DHX57: variants seen among roughly 807,000 people sequenced by gnomAD.
DHX57 encodes the protein DExH-box helicase 57, also known as putative ATP-dependent RNA helicase DHX57.
Under a neutral mutation model 156.2 loss-of-function variants are expected in DHX57, and 105 were observed. The ratio of observed to expected loss-of-function variants is 0.67; its 90% CI spans 0.57 to 0.79. The LOEUF (loss-of-function observed/expected upper bound fraction) is 0.79, where lower values mean the gene tolerates loss of function less well. Ranked by LOEUF, DHX57 falls within the 30% of genes least tolerant of loss-of-function variation. DHX57 has a pLI of 0.00. For synonymous variants in DHX57, 704 were observed against 595.6 expected, an observed-to-expected ratio of 1.18 and a Z score of -2.65; for missense variants, 1,847 against 1,661.9, an observed-to-expected ratio of 1.11 and a Z score of -1.94.
In DHX57 at chr2:38,802,916, C is replaced by G; in HGVS notation, c.3817-1G>C. 1.9e-6 allele frequency: 3 copies of G among 1,613,974 alleles called. No individual in the cohort carries two copies. The highest frequency in any genetic ancestry group is 1.3e-5 in the African/African-American group (1 of 74,996). The stretch of plus-strand genomic sequence containing the variant: ...GGTAGGGGCTGTCAAAGTGTCTCAC[C>G]TGTAACAAAAAACCTCAGATGATGA... On this transcript the variant is annotated splice_acceptor_variant, in intron 22 of 23. Transcript: ENST00000457308. LOFTEE classifies it high-confidence loss of function.
Position 38,847,101 on chromosome 2 carries a change from A to G in DHX57, c.2165-28T>C, listed in dbSNP as rs924426743. On this transcript the variant is annotated intron_variant, in intron 10 of 23. Transcript: ENST00000457308. The stretch of plus-strand genomic sequence containing the variant: ...AGAAAAACAAGGAGACAAAATAGAA[A>G]GCCTGAGAACACCCATTCAACCATC... 2.5e-6 allele frequency: 4 copies of G among 1,592,500 alleles called. No homozygotes were observed. In the African/African-American group the frequency reaches 4.0e-5, roughly 16 times the overall value.
intron 8 of DHX57, 189 bp from the exon 9 acceptor site, chr2:38,854,367 C>T (rs751160277): frequency 2.0e-5 from 9 of 442,616 alleles, no homozygotes; most frequent in Non-Finnish European, 3.2e-5. Context: ...CTTCATATCA[C>T]AATGTTAAGA....
At chr2:38,800,010 AAACC>A in intron 23 of DHX57, among the ~76,000 whole-genome samples, 1 of 152,050 alleles carries the variant, frequency 6.6e-6, no homozygotes, top group Non-Finnish European at 1.5e-5. Context: ...CAACATGGAG[AAACC>A]CCGTCTCTAC....
chr2:38,874,055 G>C (rs1373175896), intron 1 of DHX57, among the ~76,000 whole-genome samples: 1 of 151,976 alleles, frequency 6.6e-6, no homozygotes, highest in Non-Finnish European at 1.5e-5. Flanking sequence ...CTCTGTATGT[G>C]GGTTTTGCAT....
chr2:38,819,224 G>C, intron 17 of DHX57, 80 bp from the exon 18 acceptor site: 1 of 1,346,380 alleles, frequency 7.4e-7, no homozygotes, highest in Non-Finnish European at 1.1e-6. Context: ...GCCCAGGCTG[G>C]AGTGCAGTGG....
intron 17 of DHX57, among the ~76,000 whole-genome samples, chr2:38,822,327 T>A (rs527323434): frequency 6.6e-6 from 1 of 152,234 alleles, no homozygotes; most frequent in East Asian, 1.9e-4. Flanking sequence ...GTGATCCACC[T>A]GCCTCGGCCT....
Position 38,861,255 on chromosome 2 carries a change from A to G in DHX57, c.1155T>C (p.Cys385=). The G allele has an allele frequency of 6.2e-7, 1 of 1,614,166 alleles. No homozygotes were observed. The highest frequency in any genetic ancestry group is 8.5e-7 in the Non-Finnish European group (1 of 1,180,038). The change falls in exon 5 of 24, where the codon TGT becomes TGC. Residue 385 remains cysteine, a synonymous_variant. Coordinates refer to ENST00000457308, the MANE Select transcript of DHX57 (RefSeq NM_198963.3). ...AAAGAAACTCAGAAATATGTAAACG[A>G]CAAGCCAGAGGTAGGTTCTCATTGG... ...YSTNENLPLA[C]RLHISEFLYD... is the part of the protein sequence containing the mutation.
chr2:38,811,013 T>C (rs951870111), intron 21 of DHX57: 6 of 712,200 alleles, frequency 8.4e-6, no homozygotes, highest in Admixed American at 5.3e-5. Context: ...CTTGAAAATG[T>C]TGGGGGTGTT....
At chr2:38,800,279 G>A (rs989396943) in intron 23 of DHX57, among the ~76,000 whole-genome samples, 5 of 151,714 alleles carry the variant, frequency 3.3e-5, no homozygotes, top group African/African-American at 9.7e-5. Context: ...GCTTGAACCC[G>A]GGAGGCGGAG....
intron 19 of DHX57, 75 bp downstream of exon 19, chr2:38,818,802 T>C: frequency 1.3e-6 from 2 of 1,501,048 alleles, no homozygotes; most frequent in South Asian, 1.1e-5. Flanking sequence ...ACAGGACACA[T>C]GAGACAAAGT....
At chr2:38,835,437 G>T (rs893160111) in intron 13 of DHX57, among the ~76,000 whole-genome samples, 1 of 152,136 alleles carries the variant, frequency 6.6e-6, no homozygotes, top group Non-Finnish European at 1.5e-5. Flanking sequence ...CCCTTTTCTG[G>T]ACTGGTTCCA....
At chr2:38,810,810 G>C in intron 21 of DHX57, 1 of 747,012 alleles carries the variant, frequency 1.3e-6, no homozygotes, top group South Asian at 1.3e-5. Flanking sequence ...GGTGGTAAAG[G>C]ATGGTGCCTG....
intron 7 of DHX57, among the ~76,000 whole-genome samples, chr2:38,855,954 G>A (rs527896642): frequency 9.2e-5 from 14 of 152,248 alleles, no homozygotes; most frequent in African/African-American, 3.1e-4. Flanking sequence ...ACAAAAATTA[G>A]TTGGGTATGG....
At chr2:38,810,497 G>A in intron 21 of DHX57, 1 of 554,574 alleles carries the variant, frequency 1.8e-6, no homozygotes, top group Non-Finnish European at 3.5e-6. Context: ...AATTGATGTT[G>A]ATGAGACTGG....
chr2:38,863,527 GA>G lies in DHX57; in HGVS notation c.225-9del. 1 of 1,603,778 alleles carries G rather than the reference GA, an allele frequency of 6.2e-7. No homozygotes were observed. The highest frequency in any genetic ancestry group is 8.5e-7 in the Non-Finnish European group (1 of 1,177,000). ...ATGTTACTGTTGCTAGGTCTATAGA[GA>G]ACAAAAGAGCAAAATTACACACATA... On this transcript the variant is annotated splice_polypyrimidine_tract_variant and intron_variant, in intron 2 of 23. Transcript: ENST00000457308.
chr2:38,822,877 G>T (rs3112146), intron 17 of DHX57, 116 bp downstream of exon 17: 1,130,394 of 1,149,860 alleles, frequency 0.98, 557,951 homozygotes, highest in East Asian at 1. Context: ...AAAATTCACA[G>T]CTAACATACA....
intron 2 of DHX57, among the ~76,000 whole-genome samples, chr2:38,866,562 T>C (rs1294386280): frequency 3.9e-5 from 6 of 152,184 alleles, no homozygotes; most frequent in Non-Finnish European, 1.5e-5. Flanking sequence ...TGTTATACAT[T>C]TGTTTATGGT....
chr2:38,811,662 G>A lies in DHX57; in HGVS notation c.3681+2159C>T, dbSNP rs1351358607. 3.5e-5 allele frequency: 41 copies of A among 1,181,172 alleles called. No individual in the cohort carries two copies. The Admixed American group carries it at 7.3e-4, about 21-fold the overall frequency. 73.2% of individuals were successfully genotyped at this position (1,181,172 alleles called of 1,614,324 possible). On this transcript the variant is annotated intron_variant, in intron 21 of 23. Transcript: ENST00000457308. ...GGAGCCTTTGCTGAACATAGCATCT[G>A]GGATTGGAGGTGCAATTCCTGGTGC...
rs765076103 is a variant in DHX57, at chr2:38,815,705, G to A, written c.3472-50C>T. On this transcript the variant is annotated intron_variant, in intron 19 of 23. Coordinates refer to ENST00000457308, the MANE Select transcript of DHX57 (RefSeq NM_198963.3). ...AGCAAGGGCATCAGCATAACAAAGT[G>A]TTAAGTCTTACAAAAATGAGTGATT... The A allele has an allele frequency of 2.5e-6, 4 of 1,610,002 alleles. No homozygotes were observed. In the Admixed American group the frequency reaches 6.7e-5, roughly 27 times the overall value.
Sources: allele counts gnomAD v4.1 joint callset (sites outside exome capture counted in the v4.1 genomes callset), GRCh38; gene constraint gnomAD v4.1.1; transcripts MANE v1.5; gene names NCBI Gene and HGNC (gene_info 2026-07-23, HGNC 2026-07-21).